The following RPTOR variants were observed in gnomAD, a reference collection of about 807,000 sequenced individuals.
RPTOR encodes regulatory associated protein of MTOR complex 1.
Under a neutral mutation model 169.9 loss-of-function variants are expected in RPTOR, and 21 were observed. The ratio of observed to expected loss-of-function variants is 0.12; its 90% confidence interval spans 0.09 to 0.18. RPTOR has a LOEUF of 0.18. Ranked by LOEUF, RPTOR falls within the 10% of genes least tolerant of loss-of-function variation. The pLI is 1.00. For synonymous variants in RPTOR, 732 were observed against 753.2 expected, an observed-to-expected ratio of 0.97 and a Z score of 0.46; for missense variants, 1,133 against 1,855.9, an observed-to-expected ratio of 0.61 and a Z score of 7.16.
rs116371268 is a variant in RPTOR at position 80,850,479 on chromosome 17, A to G, written c.1314+3905A>G. Among the ~76,000 whole-genome samples the G allele has an allele frequency of 3.7e-3, 569 of 152,278 alleles. 4 individuals are homozygous for G. The highest frequency in any genetic ancestry group is 0.013 in the African/African-American group (542 of 41,544). On this transcript the variant is annotated intron_variant, in intron 11 of 33. Transcript: ENST00000306801. Reference sequence around the variant, plus strand: ...CTCTGTTGAGGGGTGATCTCGGCTCACTGCAGCCGGAGCTCCGCCTCCTGG... The same window carrying G: ...CTCTGTTGAGGGGTGATCTCGGCTCGCTGCAGCCGGAGCTCCGCCTCCTGG...
At chr17:80,702,526 A>G (rs2066109833) in intron 3 of RPTOR, among the ~76,000 whole-genome samples, 1 of 152,220 alleles carries the variant, frequency 6.6e-6, no homozygotes, top group Non-Finnish European at 1.5e-5. Context: ...AAACCTTAAC[A>G]CAATGTGGTG....
Position 80,855,464 on chromosome 17 carries a change from G to A in RPTOR, c.1315G>A (p.Val439Met), listed in dbSNP as rs2143744426. Residue 439 changes from valine (V) to methionine (M), a missense_variant and splice_region_variant, in exon 12 of 34, where the codon GTG (valine) becomes ATG (methionine). Around this residue, in one of 9 missense-constraint regions of RPTOR, gnomAD observed 289 missense variants for 585.8 expected, o/e 0.49. Coordinates refer to ENST00000306801, the MANE Select transcript of RPTOR (RefSeq NM_020761.3). The stretch of plus-strand genomic sequence containing the variant: ...TACCATTTTCTTCTTGTTCTTCCAG[G>A]TGCTGTTAAGCCAAGTGCACCGGCT... ...PPEQLPIVLQ[V>M]LLSQVHRLRA... 1 of 1,612,304 alleles carries A rather than the reference G, an allele frequency of 6.2e-7. No homozygotes were observed. Among genetic ancestry groups the A allele is most frequent in the Non-Finnish European group, 8.5e-7 (1 of 1,178,376 alleles).
chr17:80,770,292 C>T (rs556432013), intron 6 of RPTOR, among the ~76,000 whole-genome samples: 76 of 152,352 alleles, frequency 5.0e-4, no homozygotes, highest in African/African-American at 1.7e-3. Flanking sequence ...AAGCCCACCT[C>T]TTAGCACTGT....
At chr17:80,902,637 C>T (rs911787152) in intron 20 of RPTOR, among the ~76,000 whole-genome samples, 7 of 152,236 alleles carry the variant, frequency 4.6e-5, no homozygotes, top group African/African-American at 1.2e-4. Flanking sequence ...CACAAGTGGC[C>T]GTGGAGCTGC....
chr17:80,958,401 G>GTTTTT, intron 29 of RPTOR, among the ~76,000 whole-genome samples: 1 of 106,754 alleles, frequency 9.4e-6, no homozygotes, highest in Non-Finnish European at 1.8e-5. Context: ...GAAGATTTTT[G>GTTTTT]TTTCTTTTTT....
intron 3 of RPTOR, among the ~76,000 whole-genome samples, chr17:80,671,924 T>G (rs985616585): frequency 3.3e-5 from 5 of 152,238 alleles, no homozygotes; most frequent in Non-Finnish European, 5.9e-5. Flanking sequence ...AGGCTTAATT[T>G]CCAAGTAGCT....
chr17:80,627,836 A>ATTT (rs34155053), intron 2 of RPTOR, among the ~76,000 whole-genome samples: 2 of 139,646 alleles, frequency 1.4e-5, no homozygotes, highest in Non-Finnish European at 1.6e-5. Context: ...GTATGTTTAA[A>ATTT]TTTTTTTTTT....
At chr17:80,809,447 C>T (rs762032594) in intron 7 of RPTOR, among the ~76,000 whole-genome samples, 2 of 152,232 alleles carry the variant, frequency 1.3e-5, no homozygotes, top group Non-Finnish European at 2.9e-5. Context: ...CCACCTCGGC[C>T]ACCCAAGTGC....
Position 80,607,466 on chromosome 17 carries a change from C to A in RPTOR, c.163-18225C>A, listed in dbSNP as rs2065237262. On this transcript the variant is annotated intron_variant, in intron 1 of 33. Transcript: ENST00000306801. ...TACTAGTTGATTAGTGTTTCTGTAA[C>A]CTGTCCTGCTTTCTAATCTAGCCAC... Among the ~76,000 whole-genome samples the A allele has an allele frequency of 2.0e-5, 3 of 151,984 alleles. No homozygotes were observed. The South Asian group carries it at 6.2e-4, about 32-fold the overall frequency.
At chr17:80,776,153 T>C (rs780748319) in intron 6 of RPTOR, among the ~76,000 whole-genome samples, 18 of 152,242 alleles carry the variant, frequency 1.2e-4, no homozygotes, top group Non-Finnish European at 2.4e-4. Context: ...GAGCTATGAT[T>C]GTGCCACTGT....
chr17:80,595,987 G>A (rs2065141975), intron 1 of RPTOR, among the ~76,000 whole-genome samples: 1 of 152,114 alleles, frequency 6.6e-6, no homozygotes, highest in Admixed American at 6.5e-5. Context: ...TTCTCTTACT[G>A]TAGTTTTTGT....
chr17:80,800,284 G>C (rs569861655), intron 7 of RPTOR, among the ~76,000 whole-genome samples: 2 of 152,168 alleles, frequency 1.3e-5, no homozygotes, highest in African/African-American at 4.8e-5. Context: ...GGGAGGTTTC[G>C]TTCCTCAGAA....
intron 4 of RPTOR, among the ~76,000 whole-genome samples, chr17:80,710,595 GT>G (rs2066181199): frequency 6.6e-6 from 1 of 151,840 alleles, no homozygotes; most frequent in Non-Finnish European, 1.5e-5. Flanking sequence ...GTGTGTGTGT[GT>G]GTGTGTGTGT....
rs752576855 is a variant in RPTOR, at chr17:80,947,290, G to A, written c.3204G>A (p.Thr1068=). 2.0e-5 allele frequency: 32 copies of A among 1,606,662 alleles called. No homozygotes were observed. The highest frequency in any genetic ancestry group is 4.5e-5 in the South Asian group (4 of 89,752). ...DYFHNGNPRY[T]RVTAMEYLNG... is the part of the protein sequence containing the mutation. Reference sequence around the variant, plus strand: ...TCCACAATGGGAACCCTCGGTACACGAGGGTCACTGCCATGGAGTATCTGA... The same window carrying A: ...TCCACAATGGGAACCCTCGGTACACAAGGGTCACTGCCATGGAGTATCTGA... Residue 1068 remains threonine (T), a synonymous_variant, in exon 27 of 34, where the codon ACG becomes ACA. Coordinates refer to ENST00000306801, the MANE Select transcript of RPTOR (RefSeq NM_020761.3). The surrounding 1 kb of genome is among the most constrained non-coding windows in gnomAD (Gnocchi z 4.4).
chr17:80,738,100 G>T (rs1027716342), intron 5 of RPTOR, among the ~76,000 whole-genome samples: 2 of 152,218 alleles, frequency 1.3e-5, no homozygotes, highest in African/African-American at 4.8e-5. Flanking sequence ...GGGAGAAATG[G>T]GGGGAAACAC....
At chr17:80,739,761 A>G (rs1046279693) in intron 5 of RPTOR, among the ~76,000 whole-genome samples, 2 of 152,248 alleles carry the variant, frequency 1.3e-5, no homozygotes, top group South Asian at 4.1e-4. Context: ...ATGAAAATGA[A>G]TATACAACAT....
Position 80,548,108 on chromosome 17 carries a change from G to A in RPTOR, c.162+2317G>A, listed in dbSNP as rs149322009. On this transcript the variant is annotated intron_variant, in intron 1 of 33. Coordinates refer to ENST00000306801, the MANE Select transcript of RPTOR (RefSeq NM_020761.3). ...TTTTTTTTTTTTTTTTTGAGACAGG[G>A]TCTTGCTCTGTCATCCAGGCTGGAG... Among the ~76,000 whole-genome samples, 1,038 of 126,700 alleles carry A rather than the reference G, an allele frequency of 8.2e-3. 8 individuals are homozygous for A. The highest frequency in any genetic ancestry group is 0.03 in the African/African-American group (994 of 32,832). 83.1% of individuals were successfully genotyped at this position (126,700 alleles called of 152,430 possible). A position where few individuals can be genotyped will look rare whatever the true frequency, so the allele number is the denominator to read the frequency against.
intron 5 of RPTOR, among the ~76,000 whole-genome samples, chr17:80,745,104 C>A (rs981760455): frequency 6.6e-6 from 1 of 152,244 alleles, no homozygotes; most frequent in East Asian, 1.9e-4. Context: ...CTAAGCCTTC[C>A]CCCTAAAAAT....
intron 6 of RPTOR, among the ~76,000 whole-genome samples, chr17:80,788,074 T>C (rs2067011759): frequency 6.6e-6 from 1 of 152,242 alleles, no homozygotes; most frequent in Non-Finnish European, 1.5e-5. Context: ...ACAAGTCTTC[T>C]GAGGCCATAT....
Sources: allele counts gnomAD v4.1 joint callset (sites outside exome capture counted in the v4.1 genomes callset), GRCh38; gene constraint gnomAD v4.1.1; regional missense constraint gnomAD v4.1.1; non-coding constraint Gnocchi (gnomAD v3.1); transcripts MANE v1.5; gene names NCBI Gene and HGNC (gene_info 2026-07-23, HGNC 2026-07-21).